VWA3A: variants seen among roughly 807,000 people sequenced by gnomAD.
The protein encoded by VWA3A is von Willebrand factor A domain containing 3A, also known as von Willebrand factor A domain-containing protein 3A.
Under a neutral mutation model 160.4 loss-of-function variants are expected in VWA3A, and 134 were observed. That is an observed-to-expected ratio of 0.84 (90% CI 0.73 to 0.96). The LOEUF (loss-of-function observed/expected upper bound fraction) is 0.96, where lower values mean the gene tolerates loss of function less well. VWA3A is among the 40% of genes least tolerant of loss of function. The pLI is 0.00. For missense variants in VWA3A, 1,310 were observed against 1,447.9 expected (o/e 0.90, Z 1.55); for synonymous variants, 476 against 543.4 (o/e 0.88, Z 1.72).
chr16:22,149,041 A>T, intron 28 of VWA3A, among the ~76,000 whole-genome samples: 1 of 152,098 alleles, frequency 6.6e-6, no homozygotes, highest in East Asian at 1.9e-4. Context: ...CCTTAATCAG[A>T]GTATACATTT....
At chr16:22,097,216 C>T (rs2045341190) in intron 2 of VWA3A, among the ~76,000 whole-genome samples, 1 of 152,108 alleles carries the variant, frequency 6.6e-6, no homozygotes, top group African/African-American at 2.4e-5. Flanking sequence ...CCGCCCGTCT[C>T]GGCCTCCCAA....
At position 22,134,448 on chromosome 16, in the gene VWA3A, G is replaced by A. The variant is rs2046005611; in HGVS notation, c.2139+10G>A. ...CAACTACTCCCAAAAGGTATGCCCT[G>A]GGCATGGGCCAATGACTGCACTGCC... On this transcript the variant is annotated intron_variant, in intron 21 of 33. Transcript: ENST00000389398. The A allele has an allele frequency of 1.3e-6, 2 of 1,581,694 alleles. No homozygotes were observed.
At chr16:22,106,341 TG>T (rs2045482613) in intron 6 of VWA3A, among the ~76,000 whole-genome samples, 1 of 151,970 alleles carries the variant, frequency 6.6e-6, no homozygotes, top group Non-Finnish European at 1.5e-5. Flanking sequence ...GCCGAGATCG[TG>T]CCACTGCACT....
chr16:22,143,737 C>A (rs2046195189), intron 25 of VWA3A, among the ~76,000 whole-genome samples: 1 of 132,086 alleles, frequency 7.6e-6, no homozygotes, highest in African/African-American at 3.3e-5. Flanking sequence ...CTATTTCTTT[C>A]TTTCTTTCTT....
chr16:22,110,039 G>T (rs1283053290), intron 7 of VWA3A, among the ~76,000 whole-genome samples: 1 of 152,180 alleles, frequency 6.6e-6, no homozygotes, highest in East Asian at 1.9e-4. Flanking sequence ...ATCCATAGCA[G>T]AGAAGCTAAG....
Position 22,120,963 on chromosome 16 carries a change from C to T in VWA3A, c.1117-5C>T, listed in dbSNP as rs766435628. The T allele has an allele frequency of 6.2e-7, 1 of 1,613,928 alleles. No individual in the cohort carries two copies. Among genetic ancestry groups the T allele is most frequent in the Non-Finnish European group, 8.5e-7 (1 of 1,179,864 alleles). On this transcript the variant is annotated splice_region_variant and splice_polypyrimidine_tract_variant and intron_variant, in intron 12 of 33. Coordinates refer to ENST00000389398, the MANE Select transcript of VWA3A (RefSeq NM_173615.5). Reference sequence around the variant, plus strand: ...ATGTAATGAGGGCTTTCTCATTTAACTTAGATTTCCACAGAGATTACAAAT... The same window carrying T: ...ATGTAATGAGGGCTTTCTCATTTAATTTAGATTTCCACAGAGATTACAAAT...
At chr16:22,122,871 C>A (rs35761217) in intron 14 of VWA3A, among the ~76,000 whole-genome samples, 13,259 of 152,076 alleles carry the variant, frequency 0.087, 669 homozygotes, top group South Asian at 0.17. Flanking sequence ...CTCTAAGGCT[C>A]TCTACTTCCA....
At chr16:22,134,729 G>T (rs1050607654) in intron 21 of VWA3A, among the ~76,000 whole-genome samples, 3 of 152,176 alleles carry the variant, frequency 2.0e-5, no homozygotes, top group African/African-American at 7.2e-5. Flanking sequence ...TGGCAAGGAA[G>T]ACTTTACTTA....
intron 3 of VWA3A, 28 bp downstream of exon 3, chr16:22,097,723 C>A: frequency 1.3e-6 from 2 of 1,550,102 alleles, no homozygotes; most frequent in South Asian, 2.4e-5. Context: ...TTAACTGGGT[C>A]GTGATACTAC....
chr16:22,115,925 A>AAGGAAGGAAGGAAGGAAGGAAGGAAG (rs1567203063), intron 9 of VWA3A, among the ~76,000 whole-genome samples: 14 of 18,460 alleles, frequency 7.6e-4, no homozygotes, highest in Non-Finnish European at 7.8e-4. Flanking sequence ...AAGGAAGGAA[A>AAGGAAGGAAGGAAGGAAGGAAGGAAG]GGAAAGGAAA....
At chr16:22,155,736 A>G in intron 32 of VWA3A, 72 bp downstream of exon 32, 2 of 1,602,008 alleles carry the variant, frequency 1.2e-6, no homozygotes, top group Non-Finnish European at 1.7e-6. Context: ...CCCCATCGAG[A>G]AGGGCCGCAC....
At chr16:22,097,538 T>C in intron 2 of VWA3A, 34 bp from the exon 3 acceptor site, 1 of 1,549,444 alleles carries the variant, frequency 6.5e-7, no homozygotes, top group Non-Finnish European at 8.7e-7. Context: ...TGCCCAGTGC[T>C]GGGGCATTGA....
intron 31 of VWA3A, among the ~76,000 whole-genome samples, chr16:22,154,960 C>CAAAAAAAAAAAAAAAAAAA (rs747770335): frequency 3.7e-5 from 2 of 54,434 alleles, no homozygotes; most frequent in Non-Finnish European, 3.8e-5. Flanking sequence ...GACTCCGTCT[C>CAAAAAAAAAAAAAAAAAAA]AAAAAAAAAA....
intron 9 of VWA3A, 52 bp downstream of exon 9, chr16:22,115,524 A>C: frequency 6.5e-7 from 1 of 1,539,090 alleles, no homozygotes; most frequent in Non-Finnish European, 8.7e-7. Context: ...GGACTGAAAA[A>C]CCAAACCACT....
intron 28 of VWA3A, among the ~76,000 whole-genome samples, chr16:22,148,772 A>C (rs1329275653): frequency 6.6e-6 from 1 of 150,818 alleles, no homozygotes; most frequent in African/African-American, 2.4e-5. Context: ...CCCTGTCTCA[A>C]AAAAAAAAGG....
At chr16:22,133,973 T>C (rs1284191279) in intron 20 of VWA3A, among the ~76,000 whole-genome samples, 1 of 151,768 alleles carries the variant, frequency 6.6e-6, no homozygotes, top group Non-Finnish European at 1.5e-5. Context: ...AAAAGCAACA[T>C]TTTTTTTAGA....
intron 22 of VWA3A, 88 bp from the exon 23 acceptor site, chr16:22,140,066 C>T: frequency 8.2e-6 from 11 of 1,344,558 alleles, no homozygotes; most frequent in Admixed American, 2.0e-5. Flanking sequence ...TACAAAAGTT[C>T]CTGATTGACA....
chr16:22,125,589 A>G (rs1459057057), intron 16 of VWA3A, among the ~76,000 whole-genome samples: 3 of 151,778 alleles, frequency 2.0e-5, no homozygotes, highest in African/African-American at 7.3e-5. Context: ...ACGCTCGGCT[A>G]ATTTTTTTTA....
chr16:22,123,744 T>C (rs1355557361), intron 16 of VWA3A, 37 bp downstream of exon 16: 1 of 1,574,676 alleles, frequency 6.4e-7, no homozygotes, highest in African/African-American at 1.4e-5. Flanking sequence ...CCTTCATGGG[T>C]CTGGTGTGTG....
Sources: gnomAD v4.1 joint callset for allele counts (sites outside exome capture counted in the v4.1 genomes callset) on GRCh38, gnomAD v4.1.1 for gene constraint, MANE v1.5 for transcripts, NCBI Gene and HGNC (gene_info 2026-07-23, HGNC 2026-07-21) for gene names.